TAS2R1: variants seen among roughly 807,000 people sequenced by gnomAD.
TAS2R1 encodes taste receptor type 2 member 1.
For synonymous variants in TAS2R1, 141 were observed against 134.2 expected, an observed-to-expected ratio of 1.05 and a Z score of -0.35; for missense variants, 370 against 353.4, an observed-to-expected ratio of 1.05 and a Z score of -0.38.
the TAS2R1 span, among the ~76,000 whole-genome samples, chr5:9,821,448 G>C: frequency 5.9e-5 from 9 of 152,314 alleles, no homozygotes; most frequent in Middle Eastern, 3.4e-3. Context: ...TTGTGTATTA[G>C]AGAGTTGAAC....
the TAS2R1 span, among the ~76,000 whole-genome samples, chr5:9,860,035 A>C: frequency 6.6e-6 from 1 of 152,220 alleles, no homozygotes; most frequent in Non-Finnish European, 1.5e-5. Flanking sequence ...TCAGAGACAT[A>C]AGCTTGAAGT....
At chr5:9,740,999 T>A in the TAS2R1 span, among the ~76,000 whole-genome samples, 1 of 152,202 alleles carries the variant, frequency 6.6e-6, no homozygotes, top group Non-Finnish European at 1.5e-5. Flanking sequence ...AGGTGGGACT[T>A]ATTATAAACA....
the TAS2R1 span, among the ~76,000 whole-genome samples, chr5:9,789,886 G>A: frequency 3.3e-5 from 5 of 152,342 alleles, no homozygotes; most frequent in South Asian, 2.1e-4. Context: ...GTTCTGCTTC[G>A]TAAGTCCTGC....
At chr5:9,859,791 C>G in the TAS2R1 span, among the ~76,000 whole-genome samples, 2 of 152,180 alleles carry the variant, frequency 1.3e-5, no homozygotes, top group Non-Finnish European at 2.9e-5. Context: ...AAGACAGCCC[C>G]TGAGACCCAG....
chr5:9,826,539 C>G, the TAS2R1 span, among the ~76,000 whole-genome samples: 12 of 152,120 alleles, frequency 7.9e-5, no homozygotes, highest in Admixed American at 2.6e-4. Flanking sequence ...AGAAAGAATA[C>G]TTTTGCAAAA....
chr5:9,650,239 T>A (rs1300421495), intron 2 of TAS2R1, among the ~76,000 whole-genome samples: 1 of 152,152 alleles, frequency 6.6e-6, no homozygotes, highest in Non-Finnish European at 1.5e-5. Flanking sequence ...CTTGCTGGAT[T>A]TGTTTGTGGT....
chr5:9,632,224 T>C (rs533225890), upstream of TAS2R1, among the ~76,000 whole-genome samples: 42 of 152,354 alleles, frequency 2.8e-4, no homozygotes, highest in African/African-American at 9.9e-4. Flanking sequence ...CTGTGGTCTA[T>C]TAAGTGTGCA....
chr5:9,677,886 C>T (rs937700127), intron 1 of TAS2R1, among the ~76,000 whole-genome samples: 1 of 152,066 alleles, frequency 6.6e-6, no homozygotes, highest in Non-Finnish European at 1.5e-5. Context: ...TTCATAGCAA[C>T]CTTATTCATA....
chr5:9,836,089 C>T, the TAS2R1 span, among the ~76,000 whole-genome samples: 1 of 151,984 alleles, frequency 6.6e-6, no homozygotes. Context: ...GCAAATAAGT[C>T]TCATGAGATC....
At chr5:9,653,571 A>T (rs1171536731) in intron 2 of TAS2R1, among the ~76,000 whole-genome samples, 1 of 152,060 alleles carries the variant, frequency 6.6e-6, no homozygotes, top group Non-Finnish European at 1.5e-5. Flanking sequence ...TCCATTTTTA[A>T]TTTTTTGAGG....
intron 2 of TAS2R1, among the ~76,000 whole-genome samples, chr5:9,636,943 G>C (rs1579762127): frequency 6.6e-6 from 1 of 151,596 alleles, no homozygotes; most frequent in South Asian, 2.1e-4. Context: ...TGAGATGTGA[G>C]GTACTTTCTA....
chr5:9,896,261 T>TTTTGCTAATAGTA, the TAS2R1 span, among the ~76,000 whole-genome samples: 1 of 152,218 alleles, frequency 6.6e-6, no homozygotes. Flanking sequence ...CTCTCGTGTC[T>TTTTGCTAATAGTA]TTTGCTAATA....
At chr5:9,728,499 G>C in the TAS2R1 span, among the ~76,000 whole-genome samples, 1 of 152,234 alleles carries the variant, frequency 6.6e-6, no homozygotes, top group Non-Finnish European at 1.5e-5. Flanking sequence ...TTCAAGGTAG[G>C]AGAAAGGGTC....
At chr5:9,683,171 A>G (rs1330972250) in intron 1 of TAS2R1, among the ~76,000 whole-genome samples, 1 of 151,952 alleles carries the variant, frequency 6.6e-6, no homozygotes, top group East Asian at 1.9e-4. Context: ...ATAGTATAAT[A>G]TGTATCCTAA....
the TAS2R1 span, among the ~76,000 whole-genome samples, chr5:9,840,857 ATTTTTTTTTTTTTTTTTT>A: frequency 0.24 from 32,034 of 131,870 alleles, 4,032 homozygotes; most frequent in African/African-American, 0.28. Context: ...TTATTTATTT[ATTTTTTTTTTTTTTTTTT>A]TTTTTTTTTT....
the TAS2R1 span, among the ~76,000 whole-genome samples, chr5:9,741,422 T>A: frequency 6.6e-6 from 1 of 152,220 alleles, no homozygotes; most frequent in African/African-American, 2.4e-5. Flanking sequence ...CACCCACGGA[T>A]GCTGACTGCT....
At chr5:9,790,550 T>C in the TAS2R1 span, among the ~76,000 whole-genome samples, 2 of 152,266 alleles carry the variant, frequency 1.3e-5, no homozygotes, top group South Asian at 4.1e-4. Context: ...TGTGTTGAAA[T>C]GTAAAAAAAG....
At chr5:9,743,006 C>T in the TAS2R1 span, among the ~76,000 whole-genome samples, 1 of 151,952 alleles carries the variant, frequency 6.6e-6, no homozygotes, top group Non-Finnish European at 1.5e-5. Context: ...AACAAGATCT[C>T]ATCAGGAACC....
chr5:9,661,273 C>A (rs1459603855), intron 1 of TAS2R1, among the ~76,000 whole-genome samples: 1 of 152,184 alleles, frequency 6.6e-6, no homozygotes, highest in Non-Finnish European at 1.5e-5. Context: ...AAGTAATCCT[C>A]TATAACCTTT....
Sources: allele counts gnomAD v4.1 joint callset (sites outside exome capture counted in the v4.1 genomes callset), GRCh38; gene constraint gnomAD v4.1.1; transcripts MANE v1.5; gene names NCBI Gene and HGNC (gene_info 2026-07-23, HGNC 2026-07-21).